Variants in IFFO2 observed in about 807,000 individuals in gnomAD.
IFFO2 encodes intermediate filament family orphan 2.
IFFO2 carries 19 observed loss-of-function variants against 53.5 expected under a neutral mutation model. The ratio of observed to expected loss-of-function variants is 0.36; its 90% CI spans 0.25 to 0.52. The LOEUF (loss-of-function observed/expected upper bound fraction) is 0.52. Among genes scored for constraint, IFFO2 ranks in the 20% least tolerant of loss-of-function variants. The probability of loss-of-function intolerance (pLI) is 0.94; values close to 1 mark genes in which losing one functional copy is unlikely to be tolerated. For synonymous variants in IFFO2, 303 were observed against 313.6 expected (o/e 0.97, Z 0.36); for missense variants, 570 against 727.4 (o/e 0.78, Z 2.49).
intron 1 of IFFO2, among the ~76,000 whole-genome samples, chr1:18,934,613 G>C (rs1320894174): frequency 6.6e-6 from 1 of 152,184 alleles, no homozygotes; most frequent in East Asian, 1.9e-4. Flanking sequence ...AGGTAAGCCA[G>C]ATAAAACCAA....
chr1:18,931,812 T>A (rs1425303332), intron 1 of IFFO2, among the ~76,000 whole-genome samples: 1 of 152,194 alleles, frequency 6.6e-6, no homozygotes, highest in Non-Finnish European at 1.5e-5. Context: ...TGGTGTCTCG[T>A]CGGCTCCATA....
At chr1:18,954,811 C>G (rs1276354687) in intron 1 of IFFO2, among the ~76,000 whole-genome samples, 3 of 152,336 alleles carry the variant, frequency 2.0e-5, no homozygotes, top group East Asian at 1.9e-4. Flanking sequence ...AGTCTGGACC[C>G]CAGTTCTAGC....
rs941494571 is a variant in IFFO2 at position 18,906,856 on chromosome 1, C to T, written c.*1705G>A. 6.6e-6 allele frequency: 1 copy of T among 152,240 alleles called. No homozygotes were observed. Among genetic ancestry groups the T allele is most frequent in the Non-Finnish European group, 1.5e-5 (1 of 68,050 alleles). 9.4% of individuals were successfully genotyped at this position (152,240 alleles called of 1,614,324 possible). On this transcript the variant is annotated 3_prime_UTR_variant, in exon 9 of 9. Transcript: ENST00000455833. ...AGGAAAAAACTCATGACGAAGGCCA[C>T]CAAATCGTGATAAATTACATCACAC...
At position 18,910,491 on chromosome 1, in the gene IFFO2, G is replaced by A. The variant is rs2100639857; in HGVS notation, c.1318-19C>T. Reference sequence around the variant, plus strand: ...GCTCGAGCTGGGAGGAACCAATGAGGAATAAGGGTGAGGGCAAGTCATCCT... The same window carrying A: ...GCTCGAGCTGGGAGGAACCAATGAGAAATAAGGGTGAGGGCAAGTCATCCT... On this transcript the variant is annotated intron_variant, in intron 7 of 8. Coordinates refer to ENST00000455833, the MANE Select transcript of IFFO2 (RefSeq NM_001136265.2). 6.2e-7 allele frequency: 1 copy of A among 1,601,296 alleles called. No individual in the cohort carries two copies. Among genetic ancestry groups the A allele is most frequent in the East Asian group, 2.3e-5 (1 of 44,262 alleles).
At chr1:18,951,797 A>C (rs1347148552) in intron 1 of IFFO2, among the ~76,000 whole-genome samples, 1 of 152,156 alleles carries the variant, frequency 6.6e-6, no homozygotes, top group African/African-American at 2.4e-5. Context: ...TGGAGCCTGG[A>C]CCCTAGTTAT....
chr1:18,937,003 G>T (rs1361129316), intron 1 of IFFO2, among the ~76,000 whole-genome samples: 1 of 152,216 alleles, frequency 6.6e-6, no homozygotes, highest in East Asian at 1.9e-4. Context: ...ACATCAGACG[G>T]GGAAGTCCAG....
Position 18,918,188 on chromosome 1 carries a change from T to C in IFFO2, c.963+174A>G, listed in dbSNP as rs1936163163. On this transcript the variant is annotated intron_variant, in intron 4 of 8. Coordinates refer to ENST00000455833, the MANE Select transcript of IFFO2 (RefSeq NM_001136265.2). This position sits in a 1 kb window ranked among gnomAD's most constrained non-coding sequence, Gnocchi z 5.2. The stretch of plus-strand genomic sequence containing the variant: ...TCAGACGAGCCTATGAGTCCACGGG[T>C]GCCTGATTCTACGTTTTCCTGGGGA... Among the ~76,000 whole-genome samples, 1 of 152,094 alleles carries C rather than the reference T, an allele frequency of 6.6e-6. No homozygotes were observed. The highest frequency in any genetic ancestry group is 1.5e-5 in the Non-Finnish European group (1 of 68,024).
chr1:18,914,082 C>T (rs534421132), intron 5 of IFFO2, among the ~76,000 whole-genome samples: 5 of 152,232 alleles, frequency 3.3e-5, no homozygotes, highest in African/African-American at 7.2e-5. Flanking sequence ...CCGCCTGCCT[C>T]GGCCTCCCAA....
At chr1:18,933,009 G>A (rs1053502319) in intron 1 of IFFO2, among the ~76,000 whole-genome samples, 1 of 152,226 alleles carries the variant, frequency 6.6e-6, no homozygotes, top group South Asian at 2.1e-4. Flanking sequence ...GCTGGCTGCC[G>A]GCTTACATTT....
At chr1:18,950,069 G>A (rs1486427610) in intron 1 of IFFO2, among the ~76,000 whole-genome samples, 4 of 152,226 alleles carry the variant, frequency 2.6e-5, no homozygotes, top group East Asian at 3.8e-4. Context: ...GACCCGAGGC[G>A]CTAGATGGAG....
chr1:18,941,348 G>C (rs1207260001), intron 1 of IFFO2, among the ~76,000 whole-genome samples: 2 of 152,240 alleles, frequency 1.3e-5, no homozygotes, highest in Non-Finnish European at 2.9e-5. Context: ...CCCACCTTGG[G>C]GGGTGATGTG....
Position 18,936,897 on chromosome 1 carries a change from G to C in IFFO2, c.666-15776C>G, listed in dbSNP as rs1936456091. ...GTCTCCTCACCTGTAAAATGGGTGA[G>C]AATGACCCCACCTGGATTCAATGAG... is the stretch of plus-strand genomic sequence containing the variant. On this transcript the variant is annotated intron_variant, in intron 1 of 8. Coordinates refer to ENST00000455833, the MANE Select transcript of IFFO2 (RefSeq NM_001136265.2). This position sits in a 1 kb window ranked among gnomAD's most constrained non-coding sequence, Gnocchi z 4.5. 6.8e-6 allele frequency among the ~76,000 whole-genome samples: 1 copy of C among 147,728 alleles called. No homozygotes were observed. The highest frequency in any genetic ancestry group is 6.9e-5 in the Admixed American group (1 of 14,526).
intron 1 of IFFO2, among the ~76,000 whole-genome samples, chr1:18,935,266 G>A (rs887431451): frequency 2.0e-5 from 3 of 152,208 alleles, no homozygotes; most frequent in African/African-American, 7.2e-5. Flanking sequence ...CAAGGGTTGG[G>A]AGATCAGGCT....
chr1:18,928,783 T>A lies in IFFO2; in HGVS notation c.666-7662A>T, dbSNP rs1020352207. Reference sequence around the variant, plus strand: ...TCTGCCCTGGGCCTCAGTCTCCCCATCTATAATAGGATCTCCCAAAATCCC... The same window carrying A: ...TCTGCCCTGGGCCTCAGTCTCCCCAACTATAATAGGATCTCCCAAAATCCC... On this transcript the variant is annotated intron_variant, in intron 1 of 8. Transcript: ENST00000455833. The surrounding 1 kb of genome is among the most constrained non-coding windows in gnomAD (Gnocchi z 4.9). 1.3e-5 allele frequency among the ~76,000 whole-genome samples: 2 copies of A among 152,150 alleles called. No individual in the cohort carries two copies. The highest frequency in any genetic ancestry group is 2.9e-5 in the Non-Finnish European group (2 of 68,022).
chr1:18,955,629 GCCCC>G, intron 1 of IFFO2, 35 bp downstream of exon 1: 1 of 1,526,956 alleles, frequency 6.5e-7, no homozygotes, highest in Non-Finnish European at 8.7e-7. Flanking sequence ...GGACCTGGGC[GCCCC>G]GTCCCAGGGC....
rs1441290423 is a variant in IFFO2 at position 18,908,175 on chromosome 1, G to A, written c.*386C>T. On this transcript the variant is annotated 3_prime_UTR_variant, in exon 9 of 9. Transcript: ENST00000455833. ...GACGGCAGAAACCACATTACACCACGGCCGGTTGGCCCGGCCCTCAGCTTA... is the reference window on the plus strand; with the variant it reads ...GACGGCAGAAACCACATTACACCACAGCCGGTTGGCCCGGCCCTCAGCTTA... 17 of 225,260 alleles carry A rather than the reference G, an allele frequency of 7.5e-5. No individual in the cohort carries two copies. Among genetic ancestry groups the A allele is most frequent in the Non-Finnish European group, 1.2e-4 (13 of 109,236 alleles). 14.0% of individuals were successfully genotyped at this position (225,260 alleles called of 1,614,324 possible).
intron 5 of IFFO2, among the ~76,000 whole-genome samples, chr1:18,915,456 GCTT>G (rs1179074982): frequency 1.3e-5 from 2 of 152,144 alleles, no homozygotes; most frequent in Non-Finnish European, 2.9e-5. Context: ...GGGTATAGCA[GCTT>G]CTAAGAGCTG....
At chr1:18,941,906 T>C (rs1469322044) in intron 1 of IFFO2, among the ~76,000 whole-genome samples, 2 of 152,108 alleles carry the variant, frequency 1.3e-5, no homozygotes, top group African/African-American at 4.8e-5. Context: ...AGCCACAGGC[T>C]CCAGGTGACA....
In IFFO2 at chr1:18,908,040, G is replaced by A. The variant is rs571525676; in HGVS notation, c.*521C>T. The stretch of plus-strand genomic sequence containing the variant: ...GCCTAGAAAGCTCACAGAGGCAAGC[G>A]GCTCCTTCCTGGGGGTTGGCAGAGC... On this transcript the variant is annotated 3_prime_UTR_variant, in exon 9 of 9. Coordinates refer to ENST00000455833, the MANE Select transcript of IFFO2 (RefSeq NM_001136265.2). 6 of 157,458 alleles carry A rather than the reference G, an allele frequency of 3.8e-5. No individual in the cohort carries two copies. In the South Asian group the frequency reaches 5.5e-4, roughly 14 times the overall value. The allele number at this position is 157,458 out of a possible 1,614,324, so 9.8% of individuals were successfully genotyped here.
Sources: gnomAD v4.1 joint callset for allele counts (sites outside exome capture counted in the v4.1 genomes callset) on GRCh38, gnomAD v4.1.1 for gene constraint, Gnocchi (gnomAD v3.1) non-coding constraint, MANE v1.5 for transcripts, NCBI Gene and HGNC (gene_info 2026-07-23, HGNC 2026-07-21) for gene names.